NRSN1: variants seen among roughly 807,000 people sequenced by gnomAD.
NRSN1 encodes the protein neurensin 1.
A neutral mutation model predicts 17.3 loss-of-function variants in NRSN1; 14 were observed. The observed-to-expected ratio is 0.81, with a 90% CI of 0.54 to 1.27. The LOEUF is 1.27. Ranked by LOEUF, NRSN1 falls within the 50% of genes most tolerant of loss-of-function variation. NRSN1 has a pLI of 0.00. For synonymous variants in NRSN1, 79 were observed against 94.2 expected (o/e 0.84, Z 0.93); for missense variants, 209 against 235.9 (o/e 0.89, Z 0.75).
At chr6:24,131,598 G>A (rs368495054) in intron 2 of NRSN1, among the ~76,000 whole-genome samples, 1 of 152,100 alleles carries the variant, frequency 6.6e-6, no homozygotes, top group African/African-American at 2.4e-5. Flanking sequence ...TTTAGTAGAT[G>A]ATTTTTCTAT....
rs748116023 is a variant in NRSN1, at chr6:24,134,406, C to T, written c.79C>T (p.Arg27Trp). The change falls in exon 3 of 4, where the codon CGG becomes TGG. Residue 27 changes from arginine (R) to tryptophan (W), a missense_variant. By Grantham distance (101) the Arg-to-Trp change is moderately radical (BLOSUM62 -3). Transcript: ENST00000378491. ...GGGTGGTTACCAGCGCTATGGAGTC[C>T]GGTCCTACCTGCACCAGTTTTATGA... ...AEGGYQRYGV[R>W]SYLHQFYEDC... 26 of 1,614,064 alleles carry T rather than the reference C, an allele frequency of 1.6e-5. No individual in the cohort carries two copies. Among genetic ancestry groups the T allele is most frequent in the South Asian group, 3.3e-5 (3 of 91,070 alleles).
intron 2 of NRSN1, among the ~76,000 whole-genome samples, chr6:24,132,391 T>C (rs1760047917): frequency 6.6e-6 from 1 of 152,236 alleles, no homozygotes; most frequent in Admixed American, 6.5e-5. Context: ...GCTGGTTGCT[T>C]GATAAGTAAT....
At position 24,145,532 on chromosome 6, in the gene NRSN1, C is replaced by T; in HGVS notation, c.190-16C>T. 1.3e-6 allele frequency: 2 copies of T among 1,554,502 alleles called. No individual in the cohort carries two copies. Among genetic ancestry groups the T allele is most frequent in the Non-Finnish European group, 1.7e-6 (2 of 1,146,732 alleles). ...CTTCCTCACTCTATCTTGCTTCTGT[C>T]ATTATCTACCTGTAGGTTGGACTCA... On this transcript the variant is annotated splice_polypyrimidine_tract_variant and intron_variant, in intron 3 of 3. Transcript: ENST00000378491. This position sits in a 1 kb window ranked among gnomAD's most constrained non-coding sequence, Gnocchi z 4.4.
chr6:24,132,566 CT>C (rs1180695799), intron 2 of NRSN1, among the ~76,000 whole-genome samples: 1 of 152,142 alleles, frequency 6.6e-6, no homozygotes, highest in Non-Finnish European at 1.5e-5. Flanking sequence ...TGGAAGAAGT[CT>C]GATTTATTTG....
chr6:24,132,531 A>T (rs1760050612), intron 2 of NRSN1, among the ~76,000 whole-genome samples: 1 of 152,230 alleles, frequency 6.6e-6, no homozygotes, highest in Non-Finnish European at 1.5e-5. Flanking sequence ...CACATAACTA[A>T]AACTATCTAC....
At chr6:24,139,451 C>T (rs1760167593) in intron 3 of NRSN1, among the ~76,000 whole-genome samples, 1 of 152,164 alleles carries the variant, frequency 6.6e-6, no homozygotes, top group African/African-American at 2.4e-5. Context: ...GATAGAGTGA[C>T]TAAGATTTAA....
At chr6:24,140,112 G>A (rs917771669) in intron 3 of NRSN1, among the ~76,000 whole-genome samples, 4 of 152,176 alleles carry the variant, frequency 2.6e-5, no homozygotes, top group Admixed American at 2.0e-4. Context: ...ATATTTAAGT[G>A]AGCCTAAAAA....
At chr6:24,132,560 A>G (rs1228194964) in intron 2 of NRSN1, among the ~76,000 whole-genome samples, 1 of 152,226 alleles carries the variant, frequency 6.6e-6, no homozygotes, top group Non-Finnish European at 1.5e-5. Context: ...TTTTTTTGGA[A>G]GAAGTCTGAT....
rs779826320 is a variant in NRSN1 at position 24,135,911 on chromosome 6, C to T, written c.189+1395C>T. On this transcript the variant is annotated intron_variant, in intron 3 of 3. Transcript: ENST00000378491. ...AACCTTAGATAATGCCTAAGGTCTT[C>T]CTTAATCTTTGTTTCTCCCAAAAGA... Among the ~76,000 whole-genome samples, 53 of 152,168 alleles carry T rather than the reference C, an allele frequency of 3.5e-4. 1 individual carries two copies. Among genetic ancestry groups the T allele is most frequent in the Admixed American group, 1.3e-3 (20 of 15,278 alleles).
chr6:24,137,591 T>C (rs996948006), intron 3 of NRSN1, among the ~76,000 whole-genome samples: 1 of 152,072 alleles, frequency 6.6e-6, no homozygotes, highest in Non-Finnish European at 1.5e-5. Context: ...TGCAGGTTTG[T>C]TACACATGTA....
chr6:24,145,129 C>A lies in NRSN1; in HGVS notation c.190-419C>A, dbSNP rs1760280979. ...TTAGATATATATATAATATACATAT[C>A]TTTAGACATATAATATATAATATAT... On this transcript the variant is annotated intron_variant, in intron 3 of 3. Transcript: ENST00000378491. The surrounding 1 kb of genome is among the most constrained non-coding windows in gnomAD (Gnocchi z 4.4). Among the ~76,000 whole-genome samples the A allele has an allele frequency of 1.4e-5, 2 of 139,106 alleles. No individual in the cohort carries two copies. The highest frequency in any genetic ancestry group is 7.4e-5 in the Admixed American group (1 of 13,554). 91.3% of individuals were successfully genotyped at this position (139,106 alleles called of 152,430 possible).
Position 24,134,317 on chromosome 6 carries a change from A to G in NRSN1, c.-9-2A>G, listed in dbSNP as rs1353660525. On this transcript the variant is annotated splice_acceptor_variant, in intron 2 of 3. Coordinates refer to ENST00000378491, the MANE Select transcript of NRSN1 (RefSeq NM_080723.5). LOFTEE classifies it low-confidence loss of function (5UTR_SPLICE). ...TAATCCATGTGGATGTTGTCATTCC[A>G]GCTGGGAAGGATGAGTTCTTGCAGC... 6.2e-7 allele frequency: 1 copy of G among 1,612,732 alleles called. No individual in the cohort carries two copies. The highest frequency in any genetic ancestry group is 1.3e-5 in the African/African-American group (1 of 74,994).
intron 2 of NRSN1, among the ~76,000 whole-genome samples, chr6:24,132,234 T>C (rs1760044328): frequency 6.6e-6 from 1 of 152,260 alleles, no homozygotes; most frequent in Admixed American, 6.5e-5. Flanking sequence ...GTTTACTTTG[T>C]GCCCACTGCA....
chr6:24,146,072 A>G lies in NRSN1; in HGVS notation c.*126A>G. ...GGCTGTGTTCAGCTGTGGGCAATAT[A>G]ATGGGTGGACTCACACTTGCTCAGT... On this transcript the variant is annotated 3_prime_UTR_variant, in exon 4 of 4. Transcript: ENST00000378491. 1 of 997,140 alleles carries G rather than the reference A, an allele frequency of 1.0e-6. No homozygotes were observed. The highest frequency in any genetic ancestry group is 1.6e-6 in the Non-Finnish European group (1 of 624,780). 61.8% of individuals were successfully genotyped at this position (997,140 alleles called of 1,614,324 possible). A position where few individuals can be genotyped will look rare whatever the true frequency, so the allele number is the denominator to read the frequency against.
intron 3 of NRSN1, among the ~76,000 whole-genome samples, chr6:24,144,370 T>C (rs1410092075): frequency 6.6e-6 from 1 of 150,500 alleles, no homozygotes; most frequent in African/African-American, 2.4e-5. Flanking sequence ...AACACACCTA[T>C]ATGTTGAACA....
At chr6:24,143,595 T>A (rs899984889) in intron 3 of NRSN1, among the ~76,000 whole-genome samples, 1 of 152,216 alleles carries the variant, frequency 6.6e-6, no homozygotes, top group African/African-American at 2.4e-5. Context: ...CTAACCTTGT[T>A]ATTCTAACTA....
chr6:24,134,594 G>C, intron 3 of NRSN1, 78 bp downstream of exon 3: 1 of 1,183,610 alleles, frequency 8.4e-7, no homozygotes, highest in South Asian at 1.4e-5. Flanking sequence ...GTGGAGGATG[G>C]AGAGGTTTAG....
intron 3 of NRSN1, among the ~76,000 whole-genome samples, chr6:24,144,016 C>A (rs1042838658): frequency 2.6e-5 from 4 of 152,196 alleles, no homozygotes; most frequent in African/African-American, 9.7e-5. Context: ...CATTGACCAC[C>A]AAATGGTACA....
At chr6:24,141,917 C>T (rs1043043196) in intron 3 of NRSN1, among the ~76,000 whole-genome samples, 5 of 152,290 alleles carry the variant, frequency 3.3e-5, no homozygotes, top group Admixed American at 2.6e-4. Context: ...AGATAACTTT[C>T]GGCTACCCTC....
Sources: allele counts gnomAD v4.1 joint callset (sites outside exome capture counted in the v4.1 genomes callset), GRCh38; gene constraint gnomAD v4.1.1; non-coding constraint Gnocchi (gnomAD v3.1); transcripts MANE v1.5; gene names NCBI Gene and HGNC (gene_info 2026-07-23, HGNC 2026-07-21).